Variants in ASH1L observed in about 807,000 individuals in gnomAD.
ASH1L encodes the protein histone-lysine N-methyltransferase ASH1L.
A neutral mutation model predicts 269.0 loss-of-function variants in ASH1L; 23 were observed. The observed-to-expected ratio is 0.09, with a 90% confidence interval of 0.06 to 0.12. The LOEUF is 0.12. Ranked by LOEUF, ASH1L falls within the 10% of genes least tolerant of loss-of-function variation. The pLI is 1.00. For synonymous variants in ASH1L, 1,187 were observed against 1,253.5 expected, an observed-to-expected ratio of 0.95 and a Z score of 1.12; for missense variants, 2,912 against 3,567.8, an observed-to-expected ratio of 0.82 and a Z score of 4.68.
At chr1:155,344,123 G>C (rs1398124024) in intron 22 of ASH1L, 60 bp downstream of exon 22, 37 of 1,431,390 alleles carry the variant, frequency 2.6e-5, no homozygotes, top group Non-Finnish European at 3.6e-5. Flanking sequence ...AGACAGCAGA[G>C]ACTTCCTACT....
At chr1:155,534,193 A>AC (rs1669890857) in intron 1 of ASH1L, among the ~76,000 whole-genome samples, 1 of 151,104 alleles carries the variant, frequency 6.6e-6, no homozygotes, top group African/African-American at 2.4e-5. Context: ...AAAAAAAAAA[A>AC]ATTTGGAATT....
chr1:155,409,284 C>T (rs914714701), intron 6 of ASH1L, among the ~76,000 whole-genome samples: 5 of 152,008 alleles, frequency 3.3e-5, no homozygotes, highest in African/African-American at 1.2e-4. Flanking sequence ...CTACAGTTCT[C>T]GGATTACAGG....
At chr1:155,389,120 C>T (rs1657691147) in intron 7 of ASH1L, among the ~76,000 whole-genome samples, 1 of 151,964 alleles carries the variant, frequency 6.6e-6, no homozygotes, top group Non-Finnish European at 1.5e-5. Context: ...ATCCTCCTGT[C>T]TCAGCCTCCT....
At chr1:155,378,682 G>A (rs1161609812) in intron 8 of ASH1L, 134 bp from the exon 9 acceptor site, 1 of 698,432 alleles carries the variant, frequency 1.4e-6, no homozygotes, top group Non-Finnish European at 2.4e-6. Context: ...ATTTTGGGTT[G>A]GATACATTTG....
At chr1:155,348,921 C>T (rs910085332) in intron 19 of ASH1L, among the ~76,000 whole-genome samples, 43 of 149,054 alleles carry the variant, frequency 2.9e-4, no homozygotes, top group Non-Finnish European at 5.8e-4. Context: ...TACACACACA[C>T]ACACACACAC....
rs760180612 is a variant in ASH1L, at chr1:155,479,294, A to G, written c.3576T>C (p.His1192=). The change falls in exon 3 of 28, where the codon CAT becomes CAC. Residue 1192 remains histidine, a synonymous_variant. Transcript: ENST00000392403. ...EATPSPISES[H]SDETIPSDSG... ...TATCACTGGGAATGGTCTCATCACT[A>G]TGAGACTCACTGATTGGGGAAGGAG... 5.6e-6 allele frequency: 9 copies of G among 1,613,986 alleles called. No homozygotes were observed. In the African/African-American group the frequency reaches 9.3e-5, roughly 17 times the overall value.
In ASH1L at chr1:155,525,703, A is replaced by T. The variant is rs1460723121; in HGVS notation, c.-99-4085T>A. On this transcript the variant is annotated intron_variant, in intron 1 of 27. Transcript: ENST00000392403. ...ATTTAAGCTTGCACTGACCTGATCC[A>T]TCCCTGAATATTTATGATCCATATA... Among the ~76,000 whole-genome samples, 3 of 152,288 alleles carry T rather than the reference A, an allele frequency of 2.0e-5. No homozygotes were observed. The East Asian group carries it at 5.8e-4, about 29-fold the overall frequency.
intron 5 of ASH1L, among the ~76,000 whole-genome samples, chr1:155,421,785 T>C (rs1660706117): frequency 6.6e-6 from 1 of 152,142 alleles, no homozygotes; most frequent in African/African-American, 2.4e-5. Flanking sequence ...TAGAACAACG[T>C]AATAGAGTGT....
chr1:155,349,231 A>C (rs1231186992), intron 19 of ASH1L, 96 bp downstream of exon 19: 2 of 1,398,826 alleles, frequency 1.4e-6, no homozygotes, highest in African/African-American at 2.9e-5. Context: ...TCCAACCAGA[A>C]ATATGGCTGA....
At chr1:155,473,026 G>A (rs1421227903) in intron 3 of ASH1L, among the ~76,000 whole-genome samples, 1 of 152,094 alleles carries the variant, frequency 6.6e-6, no homozygotes, top group Non-Finnish European at 1.5e-5. Context: ...TATTGTATGT[G>A]TTTCTATATA....
intron 5 of ASH1L, chr1:155,433,607 C>T: frequency 1.2e-6 from 2 of 1,609,876 alleles, no homozygotes; most frequent in South Asian, 1.1e-5. Context: ...CAAAGCTCTG[C>T]AGAAAGAACT....
chr1:155,481,566 G>C lies in ASH1L; in HGVS notation c.1304C>G (p.Pro435Arg). 1 of 1,614,138 alleles carries C rather than the reference G, an allele frequency of 6.2e-7. No homozygotes were observed. Among genetic ancestry groups the C allele is most frequent in the Non-Finnish European group, 8.5e-7 (1 of 1,180,008 alleles). ...GTTTGTACTACAAGAAGCCTTAAGC[G>C]GTTCCTGAGTGGGGAGCAGTGCTTC... Reference protein sequence around the residue: ...KAEALLPTQEPLKASCSTNIN... With the variant: ...KAEALLPTQERLKASCSTNIN... Residue 435 changes from proline to arginine, a missense_variant, in exon 3 of 28, where the codon CCG (proline) becomes CGG (arginine). Around this residue, in one of 13 missense-constraint regions of ASH1L, gnomAD observed 715 missense variants for 721.0 expected, o/e 0.99. Transcript: ENST00000392403.
At chr1:155,426,965 TC>T (rs1661208447) in intron 5 of ASH1L, among the ~76,000 whole-genome samples, 1 of 152,136 alleles carries the variant, frequency 6.6e-6, no homozygotes, top group Non-Finnish European at 1.5e-5. Flanking sequence ...GTTGAACAGT[TC>T]TTTATATGCC....
In ASH1L at chr1:155,552,594, C is replaced by T. The variant is rs533409391; in HGVS notation, c.-100+9559G>A. Among the ~76,000 whole-genome samples, 4 of 152,148 alleles carry T rather than the reference C, an allele frequency of 2.6e-5. No homozygotes were observed. The South Asian group carries it at 8.3e-4, about 32-fold the overall frequency. ...CCGGGAGGCAGAGCTTGCAGTGAGC[C>T]GAGATCGCACCACTGCACTCCAGCA... On this transcript the variant is annotated intron_variant, in intron 1 of 27. Transcript: ENST00000392403.
At chr1:155,392,430 G>A (rs978832234) in intron 7 of ASH1L, among the ~76,000 whole-genome samples, 10 of 152,106 alleles carry the variant, frequency 6.6e-5, no homozygotes, top group African/African-American at 2.4e-4. Flanking sequence ...GCTTTTGGTT[G>A]CTCTCCAGTG....
intron 4 of ASH1L, among the ~76,000 whole-genome samples, chr1:155,454,487 G>A (rs1482629577): frequency 6.6e-6 from 1 of 152,128 alleles, no homozygotes; most frequent in East Asian, 1.9e-4. Flanking sequence ...TACTATACAG[G>A]TCAGGAGTGG....
At chr1:155,491,531 G>A (rs1342856778) in intron 2 of ASH1L, among the ~76,000 whole-genome samples, 3 of 152,272 alleles carry the variant, frequency 2.0e-5, no homozygotes, top group Admixed American at 2.0e-4. Context: ...TTAGACATTG[G>A]CTAACTTGCT....
At position 155,338,856 on chromosome 1, in the gene ASH1L, C is replaced by T. The variant is rs187005867; in HGVS notation, c.8502-466G>A. ...GGTGTAGGTAAAGCAGTTGTTATGC[C>T]CCCATTCAACAGATGAGGAGACTGA... is the stretch of plus-strand genomic sequence containing the variant. On this transcript the variant is annotated intron_variant, in intron 26 of 27. Coordinates refer to ENST00000392403, the MANE Select transcript of ASH1L (RefSeq NM_018489.3). Among the ~76,000 whole-genome samples the T allele has an allele frequency of 1.8e-4, 27 of 152,170 alleles. No individual in the cohort carries two copies. In the East Asian group the frequency reaches 5.0e-3, roughly 28 times the overall value.
At chr1:155,524,872 A>G (rs1669134374) in intron 1 of ASH1L, among the ~76,000 whole-genome samples, 1 of 152,150 alleles carries the variant, frequency 6.6e-6, no homozygotes, top group Non-Finnish European at 1.5e-5. Context: ...GGAAGGGAGA[A>G]AAAATAAATA....
Sources: gnomAD v4.1 joint callset for allele counts (sites outside exome capture counted in the v4.1 genomes callset) on GRCh38, gnomAD v4.1.1 for gene constraint, gnomAD v4.1.1 regional missense constraint, MANE v1.5 for transcripts, NCBI Gene and HGNC (gene_info 2026-07-23, HGNC 2026-07-21) for gene names.